The following EPHA7 variants were observed in gnomAD, a reference collection of about 807,000 sequenced individuals.
The protein encoded by EPHA7 is ephrin type-A receptor 7.
EPHA7 carries 25 observed loss-of-function variants against 112.6 expected under a neutral mutation model. That is an observed-to-expected ratio of 0.22 (90% CI 0.16 to 0.31). The LOEUF is 0.31. Ranked by LOEUF, EPHA7 falls within the 10% of genes least tolerant of loss-of-function variation. The pLI, the probability that EPHA7 is intolerant of heterozygous loss-of-function variation, is 1.00. For synonymous variants in EPHA7, 437 were observed against 406.5 expected (o/e 1.07, Z -0.90); for missense variants, 962 against 1,212.6 (o/e 0.79, Z 3.07).
rs1770094855 is a variant in EPHA7, at chr6:93,249,195, T to C, written c.2533-2210A>G. Among the ~76,000 whole-genome samples, 5 of 152,264 alleles carry C rather than the reference T, an allele frequency of 3.3e-5. No homozygotes were observed. In the South Asian group the frequency reaches 1.0e-3, roughly 32 times the overall value. On this transcript the variant is annotated intron_variant, in intron 14 of 16. Coordinates refer to ENST00000369303, the MANE Select transcript of EPHA7 (RefSeq NM_004440.4). ...TATCACTGTAAACATTCCTCTAAAA[T>C]ATCCCTTTTAAAAGCTATACATCAA... is the stretch of plus-strand genomic sequence containing the variant.
intron 2 of EPHA7, 21 bp downstream of exon 2, chr6:93,414,682 T>C: frequency 6.3e-7 from 1 of 1,591,710 alleles, no homozygotes. Flanking sequence ...AAAGTGATAT[T>C]TTATGATGAA....
chr6:93,288,301 T>C (rs578241963), intron 5 of EPHA7, among the ~76,000 whole-genome samples: 3 of 152,104 alleles, frequency 2.0e-5, no homozygotes, highest in Non-Finnish European at 4.4e-5. Flanking sequence ...TTAGGCTAGG[T>C]GAAAGAAGCC....
At chr6:93,275,749 T>A (rs1250709419) in intron 5 of EPHA7, among the ~76,000 whole-genome samples, 1 of 151,966 alleles carries the variant, frequency 6.6e-6, no homozygotes, top group Non-Finnish European at 1.5e-5. Context: ...GGAATGGGTT[T>A]GTTAGTATAA....
chr6:93,264,685 C>T lies in EPHA7; in HGVS notation c.1651G>A (p.Glu551Lys). 1 of 1,603,420 alleles carries T rather than the reference C, an allele frequency of 6.2e-7. No homozygotes were observed. The highest frequency in any genetic ancestry group is 1.1e-5 in the South Asian group (1 of 90,274). ...KMFEATAVSS[E>K]QNPVIIIAVV... ...GCAATGATAATAACAGGATTCTGTT[C>T]ACTGGAGACAGCTGTAGCTGTAAAC... The change falls in exon 8 of 17, where the codon GAA becomes AAA. Residue 551 changes from glutamate to lysine, a missense_variant. Around this residue, in one of 3 missense-constraint regions of EPHA7, gnomAD observed 746 missense variants for 889.2 expected, o/e 0.84. Coordinates refer to ENST00000369303, the MANE Select transcript of EPHA7 (RefSeq NM_004440.4).
Position 93,332,884 on chromosome 6 carries a change from G to A in EPHA7, c.1324+23833C>T, listed in dbSNP as rs370230210. Among the ~76,000 whole-genome samples, 36 of 151,488 alleles carry A rather than the reference G, an allele frequency of 2.4e-4. 1 individual carries two copies. Among genetic ancestry groups the A allele is most frequent in the African/African-American group, 3.9e-4 (16 of 41,394 alleles). On this transcript the variant is annotated intron_variant, in intron 5 of 16. Transcript: ENST00000369303. The stretch of plus-strand genomic sequence containing the variant: ...TTTATTTTTATGTTAAATTTATATC[G>A]TTTTAAACTTTTATTTTAGATTCAG...
chr6:93,361,391 C>T (rs1331608769), intron 3 of EPHA7, among the ~76,000 whole-genome samples: 1 of 151,936 alleles, frequency 6.6e-6, no homozygotes, highest in African/African-American at 2.4e-5. Context: ...AAAGCAGTAC[C>T]TCTTATAATA....
At position 93,264,637 on chromosome 6, in the gene EPHA7, T is replaced by C. The variant is rs760600822; in HGVS notation, c.1699A>G (p.Ile567Val). 1.5e-5 allele frequency: 24 copies of C among 1,607,792 alleles called. No homozygotes were observed. The East Asian group carries it at 4.7e-4, about 32-fold the overall frequency. The part of the protein sequence containing the change: ...IIAVVAVAGT[I>V]ILVFMVFGFI... ...CCAAAGACCATGAACACCAAAATGA[T>C]GGTCCCAGCTACAGCAACCACAGCA... is the stretch of plus-strand genomic sequence containing the variant. Residue 567 changes from isoleucine (I) to valine (V), a missense_variant, in exon 8 of 17, where the codon ATC becomes GTC. Physicochemically the swap from Ile to Val is conservative, Grantham distance 29. Coordinates refer to ENST00000369303, the MANE Select transcript of EPHA7 (RefSeq NM_004440.4).
At chr6:93,308,263 CT>C (rs1773358556) in intron 5 of EPHA7, among the ~76,000 whole-genome samples, 2 of 152,146 alleles carry the variant, frequency 1.3e-5, no homozygotes, top group Non-Finnish European at 2.9e-5. Flanking sequence ...GATTTTTTCT[CT>C]GTGGTTTGAT....
chr6:93,384,302 A>T (rs1777491926), intron 3 of EPHA7, among the ~76,000 whole-genome samples: 1 of 151,902 alleles, frequency 6.6e-6, no homozygotes, highest in African/African-American at 2.4e-5. Context: ...TTTGCCTAAA[A>T]TTTTTCCAAA....
intron 5 of EPHA7, among the ~76,000 whole-genome samples, chr6:93,349,574 T>G (rs937181661): frequency 6.6e-6 from 1 of 151,962 alleles, no homozygotes; most frequent in Non-Finnish European, 1.5e-5. Context: ...TTTTTGCATT[T>G]ATATATTTTT....
chr6:93,256,077 C>T (rs373263220), intron 12 of EPHA7, 40 bp from the exon 13 acceptor site: 1 of 1,571,542 alleles, frequency 6.4e-7, no homozygotes, highest in Non-Finnish European at 8.7e-7. Flanking sequence ...TAACTGCATA[C>T]TTTAAAAGGG....
chr6:93,327,332 C>T (rs542879648), intron 5 of EPHA7, among the ~76,000 whole-genome samples: 25 of 151,552 alleles, frequency 1.6e-4, no homozygotes, highest in African/African-American at 5.5e-4. Context: ...CCTGATTGTT[C>T]TTCATCATCC....
chr6:93,323,754 A>T (rs1774184201), intron 5 of EPHA7, among the ~76,000 whole-genome samples: 1 of 151,436 alleles, frequency 6.6e-6, no homozygotes, highest in Non-Finnish European at 1.5e-5. Flanking sequence ...AGCATCTTTC[A>T]GTTTGATATC....
intron 5 of EPHA7, among the ~76,000 whole-genome samples, chr6:93,341,739 A>G (rs960835666): frequency 6.6e-6 from 1 of 151,862 alleles, no homozygotes; most frequent in African/African-American, 2.4e-5. Context: ...GCTACAGTTA[A>G]TAATTCAGCA....
intron 3 of EPHA7, among the ~76,000 whole-genome samples, chr6:93,370,689 T>A (rs1254316692): frequency 6.6e-6 from 1 of 152,214 alleles, no homozygotes; most frequent in Non-Finnish European, 1.5e-5. Flanking sequence ...TTACATTTCA[T>A]ATGTCTCTAA....
At chr6:93,254,454 A>T (rs1770348198) in intron 14 of EPHA7, among the ~76,000 whole-genome samples, 193 bp downstream of exon 14, 1 of 152,184 alleles carries the variant, frequency 6.6e-6, no homozygotes, top group Non-Finnish European at 1.5e-5. Context: ...GAAAGTGATT[A>T]TTCAAAATGA....
At chr6:93,282,846 G>A (rs939791518) in intron 5 of EPHA7, among the ~76,000 whole-genome samples, 1 of 152,142 alleles carries the variant, frequency 6.6e-6, no homozygotes, top group Non-Finnish European at 1.5e-5. Context: ...TGCAGGGCAG[G>A]GCTCAGGACC....
At chr6:93,302,219 A>C (rs1217589049) in intron 5 of EPHA7, among the ~76,000 whole-genome samples, 1 of 151,830 alleles carries the variant, frequency 6.6e-6, no homozygotes, top group African/African-American at 2.4e-5. Context: ...TGCTATTCAG[A>C]CTCCAGGTCA....
At chr6:93,367,926 T>C (rs1318671067) in intron 3 of EPHA7, among the ~76,000 whole-genome samples, 1 of 152,056 alleles carries the variant, frequency 6.6e-6, no homozygotes, top group African/African-American at 2.4e-5. Context: ...TGAACCACTT[T>C]CCCTATTCCC....
Sources: allele counts gnomAD v4.1 joint callset (sites outside exome capture counted in the v4.1 genomes callset), GRCh38; gene constraint gnomAD v4.1.1; regional missense constraint gnomAD v4.1.1; transcripts MANE v1.5; gene names NCBI Gene and HGNC (gene_info 2026-07-23, HGNC 2026-07-21).